Variants in LRBA observed in about 807,000 individuals in gnomAD.
LRBA encodes the protein LPS responsive beige-like anchor protein.
Under a neutral mutation model 330.0 loss-of-function variants are expected in LRBA, and 176 were observed. The observed-to-expected ratio is 0.53, with a 90% CI of 0.47 to 0.60. LRBA has a LOEUF of 0.60. LRBA is among the 20% of genes least tolerant of loss of function. The pLI is 0.00. For missense variants in LRBA, 3,259 were observed against 3,444.8 expected (o/e 0.95, Z 1.35); for synonymous variants, 1,230 against 1,193.0 (o/e 1.03, Z -0.64).
intron 45 of LRBA, 94 bp downstream of exon 45, chr4:150,436,630 A>G: frequency 1.0e-6 from 1 of 993,074 alleles, no homozygotes; most frequent in South Asian, 1.9e-5. Flanking sequence ...CTCTTTTAGT[A>G]TTCAAAAAAA....
chr4:150,929,126 T>C, intron 2 of LRBA, 61 bp from the exon 3 acceptor site: 1 of 1,042,368 alleles, frequency 9.6e-7, no homozygotes, highest in Admixed American at 2.0e-5. Flanking sequence ...CACTATAGCA[T>C]GTTCCTAAAC....
chr4:150,720,528 A>C (rs1009311737), intron 36 of LRBA, among the ~76,000 whole-genome samples: 8 of 152,150 alleles, frequency 5.3e-5, no homozygotes, highest in African/African-American at 1.9e-4. Context: ...TTAAAAATGT[A>C]CTTACTGGTG....
At chr4:150,585,874 C>T (rs928553567) in intron 40 of LRBA, among the ~76,000 whole-genome samples, 3 of 152,118 alleles carry the variant, frequency 2.0e-5, no homozygotes, top group Non-Finnish European at 4.4e-5. Flanking sequence ...AGATGAAAAA[C>T]AAGAAAGCCA....
At chr4:151,005,777 T>C (rs2149662983) in intron 2 of LRBA, among the ~76,000 whole-genome samples, 1 of 152,042 alleles carries the variant, frequency 6.6e-6, no homozygotes, top group Middle Eastern at 3.4e-3. Context: ...GCTAATTTTG[T>C]ATTTTTTAGT....
intron 2 of LRBA, among the ~76,000 whole-genome samples, chr4:150,930,165 A>C (rs1190478146): frequency 6.6e-6 from 1 of 151,948 alleles, no homozygotes; most frequent in Non-Finnish European, 1.5e-5. Flanking sequence ...AAATACAAAA[A>C]TTAGCTGGGC....
intron 40 of LRBA, among the ~76,000 whole-genome samples, chr4:150,512,879 A>G (rs1440472144): frequency 6.6e-6 from 1 of 152,242 alleles, no homozygotes; most frequent in Non-Finnish European, 1.5e-5. Flanking sequence ...AGAATATTCA[A>G]TTCTGCTTTA....
chr4:150,794,549 T>C (rs531171672), intron 34 of LRBA, among the ~76,000 whole-genome samples: 36 of 151,886 alleles, frequency 2.4e-4, no homozygotes, highest in Non-Finnish European at 4.3e-4. Flanking sequence ...TCATTCTTAT[T>C]ATAAATTATT....
intron 17 of LRBA, among the ~76,000 whole-genome samples, chr4:150,887,045 T>C (rs1729010653): frequency 6.6e-6 from 1 of 152,226 alleles, no homozygotes; most frequent in Non-Finnish European, 1.5e-5. Context: ...TACCCTGATT[T>C]GAATATTATA....
chr4:150,830,866 C>T (rs1016118480), intron 29 of LRBA, among the ~76,000 whole-genome samples: 3 of 149,550 alleles, frequency 2.0e-5, no homozygotes, highest in Non-Finnish European at 4.4e-5. Flanking sequence ...CAAGTTCAAG[C>T]GATTCTCCTG....
At chr4:150,515,872 T>C (rs1172436235) in intron 40 of LRBA, among the ~76,000 whole-genome samples, 1 of 151,902 alleles carries the variant, frequency 6.6e-6, no homozygotes, top group Non-Finnish European at 1.5e-5. Context: ...AGAGGGACCA[T>C]GGGACAAAAA....
intron 2 of LRBA, among the ~76,000 whole-genome samples, chr4:150,994,298 C>T (rs1421578093): frequency 1.3e-5 from 2 of 152,056 alleles, no homozygotes; most frequent in Admixed American, 6.6e-5. Context: ...TTTGTGACCT[C>T]GACTGGGGTA....
chr4:150,459,807 A>C (rs979170977), intron 44 of LRBA, among the ~76,000 whole-genome samples: 2 of 151,980 alleles, frequency 1.3e-5, no homozygotes, highest in Non-Finnish European at 2.9e-5. Context: ...AACTATTTTA[A>C]CATATTATGT....
intron 15 of LRBA, among the ~76,000 whole-genome samples, chr4:150,897,104 A>G (rs973054848): frequency 4.6e-5 from 7 of 151,848 alleles, no homozygotes; most frequent in South Asian, 2.1e-4. Flanking sequence ...TTTTTAATAC[A>G]TGGAAATAAG....
intron 47 of LRBA, among the ~76,000 whole-genome samples, chr4:150,379,502 C>T (rs1375513466): frequency 1.3e-5 from 2 of 151,820 alleles, no homozygotes; most frequent in African/African-American, 2.4e-5. Context: ...CCCATAGAGC[C>T]CAGCTGGGTT....
Position 150,915,609 on chromosome 4 carries a change from T to C in LRBA, c.1013A>G (p.Asp338Gly), listed in dbSNP as rs1436230615. 6.8e-6 allele frequency: 11 copies of C among 1,606,644 alleles called. No homozygotes were observed. The highest frequency in any genetic ancestry group is 9.3e-6 in the Non-Finnish European group (11 of 1,177,840). ...GEITWFVNTS[D>G]TFDKCFLGSS... ...TTGCAACATTTTGAAACTACTTACA[T>C]CGCTAGTGTTGACAAACCATGTTAT... Residue 338 changes from aspartate (D) to glycine (G), a missense_variant and splice_region_variant, in exon 8 of 57, where the codon GAT becomes GGT. Asp to Gly is a moderately conservative substitution (Grantham distance 94). Transcript: ENST00000651943.
At chr4:150,805,197 CAGAA>C (rs1742395577) in intron 33 of LRBA, among the ~76,000 whole-genome samples, 2 of 97,876 alleles carry the variant, frequency 2.0e-5, no homozygotes, top group African/African-American at 4.7e-5. Context: ...GGAAGGAAGG[CAGAA>C]GGAAGGAAGG....
At chr4:150,822,943 A>G (rs1057504856) in intron 30 of LRBA, among the ~76,000 whole-genome samples, 4 of 152,016 alleles carry the variant, frequency 2.6e-5, no homozygotes, top group African/African-American at 9.7e-5. Context: ...TTAAACCGGT[A>G]AGCACAGTGT....
At chr4:150,523,575 G>A (rs1372895648) in intron 40 of LRBA, among the ~76,000 whole-genome samples, 2 of 152,032 alleles carry the variant, frequency 1.3e-5, no homozygotes, top group African/African-American at 4.8e-5. Flanking sequence ...GGTGAGAAAT[G>A]CTCTAGTTGA....
At chr4:150,292,015 T>A (rs1202627656) in intron 53 of LRBA, among the ~76,000 whole-genome samples, 1 of 152,190 alleles carries the variant, frequency 6.6e-6, no homozygotes, top group Non-Finnish European at 1.5e-5. Flanking sequence ...TAGGTGGGAA[T>A]TGAACAATGG....
Sources: allele counts gnomAD v4.1 joint callset (sites outside exome capture counted in the v4.1 genomes callset), GRCh38; gene constraint gnomAD v4.1.1; transcripts MANE v1.5; gene names NCBI Gene and HGNC (gene_info 2026-07-23, HGNC 2026-07-21).